The following TSPAN7 variants were observed in gnomAD, a reference collection of about 807,000 sequenced individuals.
TSPAN7 encodes the protein tetraspanin-7.
A neutral mutation model predicts 17.6 loss-of-function variants in TSPAN7; 1 was observed. The observed-to-expected ratio is 0.06, with a 90% CI of 0.02 to 0.27. The LOEUF is 0.27. Ranked by LOEUF, TSPAN7 falls within the 10% of genes least tolerant of loss-of-function variation. The probability of loss-of-function intolerance (pLI) is 1.00; values close to 1 mark genes in which losing one functional copy is unlikely to be tolerated. For missense variants in TSPAN7, 112 were observed against 201.7 expected, an observed-to-expected ratio of 0.56 and a Z score of 2.69; for synonymous variants, 78 against 79.0, an observed-to-expected ratio of 0.99 and a Z score of 0.07.
At chrX:38,622,704 G>T (rs1196353965) in intron 1 of TSPAN7, among the ~76,000 whole-genome samples, 1 of 112,457 alleles carries the variant, frequency 8.9e-6, no homozygotes, top group Non-Finnish European at 1.9e-5. Context: ...ACCTTCAGTA[G>T]AATGTAAAGT....
intron 1 of TSPAN7, among the ~76,000 whole-genome samples, chrX:38,658,231 A>G (rs2147445075): frequency 9.0e-6 from 1 of 111,025 alleles, no homozygotes; most frequent in East Asian, 2.8e-4. Context: ...CCCAGGCTGG[A>G]GTGTGGTGGT....
At chrX:38,571,269 C>T (rs150249910) in intron 1 of TSPAN7, among the ~76,000 whole-genome samples, 23 of 111,022 alleles carry the variant, frequency 2.1e-4, no homozygotes, top group Non-Finnish European at 3.2e-4. Context: ...GTGATTCTCA[C>T]CCTGTTTGCC....
Position 38,674,341 on chromosome X carries a change from G to A in TSPAN7, c.441+25G>A, listed in dbSNP as rs143618058. 31 of 1,137,701 alleles carry A rather than the reference G, an allele frequency of 2.7e-5. 1 individual carries two copies. The African/African-American group carries it at 3.4e-4, about 13-fold the overall frequency. 93.8% of individuals were successfully genotyped at this position (1,137,701 alleles called of 1,213,427 possible). Reference sequence around the variant, plus strand: ...CGTAAGTTCCAGAGGAGATGAGGGTGTGAACTAACTATGAAGTCTAGGCTT... The same window carrying A: ...CGTAAGTTCCAGAGGAGATGAGGGTATGAACTAACTATGAAGTCTAGGCTT... On this transcript the variant is annotated intron_variant, in intron 4 of 7. Transcript: ENST00000378482.
intron 2 of TSPAN7, among the ~76,000 whole-genome samples, chrX:38,670,293 A>G (rs1273280623): frequency 8.9e-6 from 1 of 111,972 alleles, no homozygotes; most frequent in Non-Finnish European, 1.9e-5. Context: ...ATTGTAAGAC[A>G]TGTGCCTTGT....
intron 1 of TSPAN7, among the ~76,000 whole-genome samples, chrX:38,617,443 C>T (rs192926081): frequency 5.3e-4 from 60 of 112,661 alleles, no homozygotes; most frequent in African/African-American, 1.8e-3. Flanking sequence ...GGAAGTCAGG[C>T]AAAACCAGAC....
chrX:38,647,406 C>T (rs367547576), intron 1 of TSPAN7, among the ~76,000 whole-genome samples: 207 of 111,919 alleles, frequency 1.8e-3, no homozygotes, highest in African/African-American at 6.5e-3. Context: ...CATAAGCCAC[C>T]GTGCCCAGCC....
At chrX:38,624,249 G>GC (rs1162826746) in intron 1 of TSPAN7, among the ~76,000 whole-genome samples, 5 of 109,790 alleles carry the variant, frequency 4.6e-5, no homozygotes, top group African/African-American at 1.0e-4. Flanking sequence ...GTAAGCTATG[G>GC]CCCCCCCACC....
chrX:38,669,759 G>C (rs1049762944), intron 2 of TSPAN7, among the ~76,000 whole-genome samples: 2 of 112,268 alleles, frequency 1.8e-5, no homozygotes, highest in Non-Finnish European at 3.8e-5. Context: ...GCCCAGAGAG[G>C]CTGCCTCCTT....
chrX:38,584,170 G>A (rs1175176739), intron 1 of TSPAN7, among the ~76,000 whole-genome samples: 1 of 108,966 alleles, frequency 9.2e-6, no homozygotes, highest in African/African-American at 3.3e-5. Flanking sequence ...AGCCAGGATG[G>A]TCTCGATTTC....
intron 4 of TSPAN7, among the ~76,000 whole-genome samples, chrX:38,675,027 T>C (rs934149051): frequency 2.7e-5 from 3 of 112,527 alleles, no homozygotes; most frequent in African/African-American, 9.7e-5. Context: ...GATTTACCAA[T>C]TAATTATATT....
At chrX:38,654,431 T>G (rs2069690974) in intron 1 of TSPAN7, among the ~76,000 whole-genome samples, 1 of 112,429 alleles carries the variant, frequency 8.9e-6, no homozygotes, top group Admixed American at 9.4e-5. Context: ...ATTCCCATGC[T>G]TTCTCATTTA....
intron 1 of TSPAN7, among the ~76,000 whole-genome samples, chrX:38,637,872 G>C (rs2069589788): frequency 8.9e-6 from 1 of 111,778 alleles, no homozygotes; most frequent in Non-Finnish European, 1.9e-5. Flanking sequence ...GTGATTTTTA[G>C]CTTATTTTGC....
At chrX:38,650,835 G>A (rs1002364244) in intron 1 of TSPAN7, among the ~76,000 whole-genome samples, 1 of 110,740 alleles carries the variant, frequency 9.0e-6, no homozygotes, top group African/African-American at 3.3e-5. Context: ...AACATGGAAG[G>A]AATGCAACAG....
intron 1 of TSPAN7, chrX:38,656,011 A>G (rs2069702253): frequency 3.1e-6 from 1 of 324,377 alleles, no homozygotes; most frequent in South Asian, 2.7e-5. Context: ...TTCCCATCCA[A>G]AATTCACGAG....
chrX:38,566,720 T>G (rs960941225), intron 1 of TSPAN7, among the ~76,000 whole-genome samples: 1 of 112,005 alleles, frequency 8.9e-6, no homozygotes, highest in Admixed American at 9.5e-5. Context: ...TTTTTAAGCA[T>G]GAATAAAAAA....
chrX:38,664,454 C>T (rs766905257), intron 1 of TSPAN7, among the ~76,000 whole-genome samples: 6 of 111,299 alleles, frequency 5.4e-5, no homozygotes, highest in Non-Finnish European at 7.5e-5. Flanking sequence ...GCAGAAGAGG[C>T]TGCTCAAGGA....
At chrX:38,642,876 T>C (rs1388163980) in intron 1 of TSPAN7, among the ~76,000 whole-genome samples, 1 of 110,569 alleles carries the variant, frequency 9.0e-6, no homozygotes, top group South Asian at 3.9e-4. Flanking sequence ...ATTATAAGGG[T>C]TGAATAAGTT....
At chrX:38,637,939 T>C (rs979101070) in intron 1 of TSPAN7, among the ~76,000 whole-genome samples, 2 of 111,861 alleles carry the variant, frequency 1.8e-5, no homozygotes, top group African/African-American at 6.5e-5. Flanking sequence ...AGGTAACAGA[T>C]TGCTCCAGCC....
intron 1 of TSPAN7, 48 bp downstream of exon 1, chrX:38,561,675 G>A: frequency 2.8e-6 from 3 of 1,058,474 alleles, no homozygotes; most frequent in Admixed American, 2.2e-5. Context: ...CCATCGGTCC[G>A]TATGATGATG....
Sources: allele counts gnomAD v4.1 joint callset (sites outside exome capture counted in the v4.1 genomes callset), GRCh38; gene constraint gnomAD v4.1.1; transcripts MANE v1.5; gene names NCBI Gene and HGNC (gene_info 2026-07-23, HGNC 2026-07-21).